PIP5K1C: variants seen among roughly 807,000 people sequenced by gnomAD.
PIP5K1C encodes the protein phosphatidylinositol-4-phosphate 5-kinase type 1 gamma, also known as phosphatidylinositol 4-phosphate 5-kinase type-1 gamma.
A neutral mutation model predicts 80.1 loss-of-function variants in PIP5K1C; 45 were observed. That is an observed-to-expected ratio of 0.56 (90% CI 0.44 to 0.72). The LOEUF (loss-of-function observed/expected upper bound fraction) is 0.72. Among genes scored for constraint, PIP5K1C ranks in the 30% least tolerant of loss-of-function variants. The pLI, the probability that PIP5K1C is intolerant of heterozygous loss-of-function variation, is 0.00. For synonymous variants in PIP5K1C, 498 were observed against 420.1 expected (o/e 1.19, Z -2.27); for missense variants, 753 against 954.6 (o/e 0.79, Z 2.78).
intron 1 of PIP5K1C, among the ~76,000 whole-genome samples, chr19:3,686,738 AAT>A (rs2035773326): frequency 1.3e-5 from 2 of 150,448 alleles, no homozygotes; most frequent in Non-Finnish European, 3.0e-5. Flanking sequence ...AAATAAATAA[AAT>A]AAAATAAAAT....
chr19:3,677,037 G>T (rs1270178041), intron 1 of PIP5K1C, among the ~76,000 whole-genome samples: 3 of 152,112 alleles, frequency 2.0e-5, no homozygotes, highest in African/African-American at 7.2e-5. Context: ...AGAAGTTTGA[G>T]GCTGCAGTGA....
At chr19:3,643,952 T>C (rs2034095148) in intron 12 of PIP5K1C, 135 bp downstream of exon 12, 9 of 1,074,144 alleles carry the variant, frequency 8.4e-6, no homozygotes, top group Non-Finnish European at 1.2e-5. Context: ...CCCCACTCCC[T>C]GGGCAGGCGG....
At chr19:3,644,512 G>A (rs757571356) in intron 11 of PIP5K1C, among the ~76,000 whole-genome samples, 1 of 152,158 alleles carries the variant, frequency 6.6e-6, no homozygotes. Context: ...TGCCCCTCCT[G>A]GGATCCTGCA....
intron 6 of PIP5K1C, among the ~76,000 whole-genome samples, chr19:3,655,864 G>GCTCCTA (rs1342360892): frequency 1.3e-5 from 2 of 152,186 alleles, no homozygotes; most frequent in Non-Finnish European, 2.9e-5. Flanking sequence ...GCAGCCGCCG[G>GCTCCTA]CTCCTACTCC....
chr19:3,688,771 C>G lies in PIP5K1C; in HGVS notation c.94+11526G>C, dbSNP rs1207440350. Among the ~76,000 whole-genome samples, 1 of 151,652 alleles carries G rather than the reference C, an allele frequency of 6.6e-6. No individual in the cohort carries two copies. Among genetic ancestry groups the G allele is most frequent in the Non-Finnish European group, 1.5e-5 (1 of 67,910 alleles). ...GAGGAGAGTGGGGGGAGAACGAGAG[C>G]GAGAGACACACCGAGCTGGTGGGCC... On this transcript the variant is annotated intron_variant, in intron 1 of 17. Coordinates refer to ENST00000335312, the MANE Select transcript of PIP5K1C (RefSeq NM_012398.3). This position sits in a 1 kb window ranked among gnomAD's most constrained non-coding sequence, Gnocchi z 5.3.
rs2145382502 is a variant in PIP5K1C at position 3,638,934 on chromosome 19, C to G, written c.1870G>C (p.Ala624Pro). 6.2e-7 allele frequency: 1 copy of G among 1,612,458 alleles called. No individual in the cohort carries two copies. Among genetic ancestry groups the G allele is most frequent in the Non-Finnish European group, 8.5e-7 (1 of 1,179,896 alleles). The change falls in exon 16 of 18, where the codon GCC (alanine) becomes CCC (proline). Residue 624 changes from alanine (A) to proline (P), a missense_variant. Physicochemically the swap from Ala to Pro is conservative, Grantham distance 27 (BLOSUM62 -1). Transcript: ENST00000335312. ...TCCTCCTCGTCCGAGGCCTGGCTGGCAGGTGCGCCCTCCTCGTCTGAGGCC... is the reference window on the plus strand; with the variant it reads ...TCCTCCTCGTCCGAGGCCTGGCTGGGAGGTGCGCCCTCCTCGTCTGAGGCC... ...SQASDEEGAP[A>P]SQASDEEDAP...
In PIP5K1C at chr19:3,637,372, C is replaced by T. The variant is rs1288148548; in HGVS notation, c.1920+1512G>A. 1 of 1,535,400 alleles carries T rather than the reference C, an allele frequency of 6.5e-7. No homozygotes were observed. The highest frequency in any genetic ancestry group is 2.4e-5 in the East Asian group (1 of 40,902). On this transcript the variant is annotated intron_variant, in intron 16 of 17. Coordinates refer to ENST00000335312, the MANE Select transcript of PIP5K1C (RefSeq NM_012398.3). This position sits in a 1 kb window ranked among gnomAD's most constrained non-coding sequence, Gnocchi z 7.0. Reference sequence around the variant, plus strand: ...TGACGCATGCAGCCCAGCGCCTGGTCCGGGGCCAGCGTGGCTGACCTCAAT... The same window carrying T: ...TGACGCATGCAGCCCAGCGCCTGGTTCGGGGCCAGCGTGGCTGACCTCAAT...
In PIP5K1C at chr19:3,653,319, G is replaced by A. The variant is rs936254444; in HGVS notation, c.892C>T (p.Leu298=). 1 of 1,610,072 alleles carries A rather than the reference G, an allele frequency of 6.2e-7. No homozygotes were observed. The highest frequency in any genetic ancestry group is 1.3e-5 in the African/African-American group (1 of 75,072). ...LLLDADTFSA[L]VKTLQRDCLV... is the part of the protein sequence containing the mutation. ...CAGTCCCGCTGCAGCGTCTTGACCA[G>A]GGCGCTGAAGGTGTCGGCGTCCAGC... is the stretch of plus-strand genomic sequence containing the variant. The change falls in exon 7 of 18, where the codon CTG becomes TTG. Residue 298 remains leucine, a synonymous_variant. Coordinates refer to ENST00000335312, the MANE Select transcript of PIP5K1C (RefSeq NM_012398.3).
At chr19:3,687,310 C>T (rs144652130) in intron 1 of PIP5K1C, among the ~76,000 whole-genome samples, 105 of 150,636 alleles carry the variant, frequency 7.0e-4, no homozygotes, top group Non-Finnish European at 1.2e-3. Context: ...TGCAGTGAGC[C>T]GAGACTGCGC....
chr19:3,660,359 G>A (rs1425578375), intron 5 of PIP5K1C, among the ~76,000 whole-genome samples: 4 of 151,248 alleles, frequency 2.6e-5, no homozygotes, highest in African/African-American at 4.9e-5. Context: ...CAGCCTGGGC[G>A]ACAGAGCGAG....
At position 3,661,881 on chromosome 19, in the gene PIP5K1C, A is replaced by T. The variant is rs770518637; in HGVS notation, c.340T>A (p.Phe114Ile). ...GGGGGCCCGGCCCACCTGGGGAAGA[A>T]GATGCTCTCCACCACGTAGAAGTCC... ...MQDFYVVESI[F>I]FPSEGSNLTP... Residue 114 changes from phenylalanine (F) to isoleucine (I), a missense_variant, in exon 4 of 18, where the codon TTC becomes ATC. By Grantham distance (21) the Phe-to-Ile change is conservative. Around this residue, in one of 6 missense-constraint regions of PIP5K1C, gnomAD observed 139 missense variants for 289.7 expected, o/e 0.48. Coordinates refer to ENST00000335312, the MANE Select transcript of PIP5K1C (RefSeq NM_012398.3). 1 of 1,612,452 alleles carries T rather than the reference A, an allele frequency of 6.2e-7. No homozygotes were observed. The highest frequency in any genetic ancestry group is 8.5e-7 in the Non-Finnish European group (1 of 1,179,982).
chr19:3,647,412 A>T (rs1157267086), intron 9 of PIP5K1C, 26 bp from the exon 10 acceptor site: 2 of 1,565,264 alleles, frequency 1.3e-6, no homozygotes, highest in Non-Finnish European at 1.7e-6. Context: ...CCGGAGTGGC[A>T]GCTGACATCA....
At chr19:3,658,952 C>T (rs893738864) in intron 5 of PIP5K1C, among the ~76,000 whole-genome samples, 7 of 152,158 alleles carry the variant, frequency 4.6e-5, no homozygotes, top group Non-Finnish European at 8.8e-5. Context: ...GCAGCTGCGC[C>T]GCTGACCTTG....
intron 1 of PIP5K1C, among the ~76,000 whole-genome samples, chr19:3,682,507 T>A: frequency 6.6e-6 from 1 of 151,166 alleles, no homozygotes; most frequent in Non-Finnish European, 1.5e-5. Flanking sequence ...TAGCAAGACA[T>A]AGCAAGACCC....
intron 1 of PIP5K1C, chr19:3,674,116 G>GC (rs1398817047): frequency 6.6e-6 from 1 of 152,240 alleles, no homozygotes; most frequent in Non-Finnish European, 1.5e-5. Flanking sequence ...AGACCGGGCG[G>GC]CCCCAGCTGT....
Position 3,697,777 on chromosome 19 carries a change from C to T in PIP5K1C, c.94+2520G>A, listed in dbSNP as rs874030. On this transcript the variant is annotated intron_variant, in intron 1 of 17. Coordinates refer to ENST00000335312, the MANE Select transcript of PIP5K1C (RefSeq NM_012398.3). The stretch of plus-strand genomic sequence containing the variant: ...GGACAGCCTGGGAGAGGCTCAGACA[C>T]GCCCAGGCCACAGCTCAGACCAAAC... Among the ~76,000 whole-genome samples, 699 of 152,278 alleles carry T rather than the reference C, an allele frequency of 4.6e-3. 4 individuals are homozygous for T. Among genetic ancestry groups the T allele is most frequent in the African/African-American group, 0.015 (640 of 41,548 alleles).
intron 11 of PIP5K1C, among the ~76,000 whole-genome samples, chr19:3,645,337 T>G (rs2034168313): frequency 6.6e-6 from 1 of 152,232 alleles, no homozygotes; most frequent in Admixed American, 6.5e-5. Context: ...GGAATCCATC[T>G]GGCAGCAGGT....
At chr19:3,644,048 T>C (rs1415553393) in intron 12 of PIP5K1C, 39 bp downstream of exon 12, 1 of 1,606,240 alleles carries the variant, frequency 6.2e-7, no homozygotes, top group South Asian at 1.1e-5. Context: ...TGGCACCCCC[T>C]GTAGCGCCCA....
intron 16 of PIP5K1C, chr19:3,636,650 G>A (rs2033699599): frequency 1.3e-5 from 13 of 985,498 alleles, no homozygotes; most frequent in Admixed American, 1.2e-4. Flanking sequence ...TCCGTGGGAC[G>A]GAGCTGCCTA....
Sources: gnomAD v4.1 joint callset for allele counts (sites outside exome capture counted in the v4.1 genomes callset) on GRCh38, gnomAD v4.1.1 for gene constraint, gnomAD v4.1.1 regional missense constraint, Gnocchi (gnomAD v3.1) non-coding constraint, MANE v1.5 for transcripts, NCBI Gene and HGNC (gene_info 2026-07-23, HGNC 2026-07-21) for gene names.